SDF4: variants seen among roughly 807,000 people sequenced by gnomAD.
The protein encoded by SDF4 is 45 kDa calcium-binding protein.
A neutral mutation model predicts 34.2 loss-of-function variants in SDF4; 22 were observed. That is an observed-to-expected ratio of 0.64 (90% confidence interval 0.46 to 0.92). SDF4 has a LOEUF of 0.92. Ranked by LOEUF, SDF4 falls within the 40% of genes least tolerant of loss-of-function variation. SDF4 has a pLI of 0.00. For missense variants in SDF4, 447 were observed against 499.9 expected (o/e 0.89, Z 1.01); for synonymous variants, 236 against 203.1 (o/e 1.16, Z -1.38).
At chr1:1,227,610 C>T (rs1413069021) in intron 2 of SDF4, among the ~76,000 whole-genome samples, 5 of 152,192 alleles carry the variant, frequency 3.3e-5, no homozygotes, top group East Asian at 1.9e-4. Context: ...GGGGGACTCA[C>T]GGGCACGCCC....
rs962641102 is a variant in SDF4, at chr1:1,218,796, T to C, written c.688A>G (p.Met230Val). 1.9e-6 allele frequency: 3 copies of C among 1,611,108 alleles called. No individual in the cohort carries two copies. The highest frequency in any genetic ancestry group is 1.3e-5 in the African/African-American group (1 of 74,882). The change falls in exon 5 of 7, where the codon ATG (methionine) becomes GTG (valine). Residue 230 changes from methionine (M) to valine (V), a missense_variant. Coordinates refer to ENST00000360001, the MANE Select transcript of SDF4 (RefSeq NM_016176.6). The surrounding 1 kb of genome is among the most constrained non-coding windows in gnomAD (Gnocchi z 7.9). ...PEHSRGMLRF[M>V]VKEIVRDLDQ... is the part of the protein sequence containing the mutation. Reference sequence around the variant, plus strand: ...AGGTCCCGGACGATCTCCTTCACCATGAACCTGAGCATTCCCCGGCTGTGC... The same window carrying C: ...AGGTCCCGGACGATCTCCTTCACCACGAACCTGAGCATTCCCCGGCTGTGC...
At chr1:1,219,593 C>T in intron 4 of SDF4, 8 of 986,856 alleles carry the variant, frequency 8.1e-6, no homozygotes, top group Non-Finnish European at 9.6e-6. Flanking sequence ...CCCAGGAACC[C>T]TCCCAGCCGG....
At chr1:1,222,335 G>T (rs1650014086) in intron 4 of SDF4, among the ~76,000 whole-genome samples, 1 of 152,344 alleles carries the variant, frequency 6.6e-6, no homozygotes, top group South Asian at 2.1e-4. Flanking sequence ...CGTGCAGGGT[G>T]GCCCGGCTCT....
At chr1:1,224,212 C>A (rs1363184171) in intron 2 of SDF4, among the ~76,000 whole-genome samples, 1 of 152,184 alleles carries the variant, frequency 6.6e-6, no homozygotes, top group Non-Finnish European at 1.5e-5. Flanking sequence ...GGACCCTCCC[C>A]CTCTGTCACA....
chr1:1,225,819 G>A (rs1397740546), intron 2 of SDF4, among the ~76,000 whole-genome samples: 1 of 152,138 alleles, frequency 6.6e-6, no homozygotes, highest in Admixed American at 6.5e-5. Context: ...ACGAGGCAGA[G>A]CAAAAAGCAA....
Position 1,218,364 on chromosome 1 carries a change from G to C in SDF4, c.891+94C>G. The C allele has an allele frequency of 7.2e-7, 1 of 1,380,700 alleles. No individual in the cohort carries two copies. Among genetic ancestry groups the C allele is most frequent in the South Asian group, 1.3e-5 (1 of 74,872 alleles). The allele number at this position is 1,380,700 out of a possible 1,614,324, so 85.5% of individuals were successfully genotyped here. A position where few individuals can be genotyped will look rare whatever the true frequency, so the allele number is the denominator to read the frequency against. The stretch of plus-strand genomic sequence containing the variant: ...AGATGGAGTCTCAGGCCAGACACCA[G>C]CACAGCTTCCTGCCTCAGGCCCAGA... On this transcript the variant is annotated intron_variant, in intron 6 of 6. Coordinates refer to ENST00000360001, the MANE Select transcript of SDF4 (RefSeq NM_016176.6). The surrounding 1 kb of genome is among the most constrained non-coding windows in gnomAD (Gnocchi z 7.9).
Position 1,227,567 on chromosome 1 carries a change from C to T in SDF4, c.305+901G>A, listed in dbSNP as rs1011179556. On this transcript the variant is annotated intron_variant, in intron 2 of 6. Coordinates refer to ENST00000360001, the MANE Select transcript of SDF4 (RefSeq NM_016176.6). ...GGCCCAGGGTGTTCTCTCACCTGCA[C>T]CTCGGCTCCCTGCCCGGCACCCTGG... 5.3e-5 allele frequency among the ~76,000 whole-genome samples: 8 copies of T among 152,348 alleles called. No homozygotes were observed. The East Asian group carries it at 1.2e-3, about 22-fold the overall frequency.
At chr1:1,231,022 G>C (rs771382842) in intron 1 of SDF4, among the ~76,000 whole-genome samples, 1 of 152,216 alleles carries the variant, frequency 6.6e-6, no homozygotes, top group Non-Finnish European at 1.5e-5. Context: ...AGGATCGTGA[G>C]ACCAGCCTGG....
intron 2 of SDF4, among the ~76,000 whole-genome samples, chr1:1,227,882 T>C (rs1638363301): frequency 6.6e-6 from 1 of 152,036 alleles, no homozygotes; most frequent in Admixed American, 6.5e-5. Flanking sequence ...GTGGGGGCAG[T>C]GACGGCCAAG....
At chr1:1,224,225 G>C (rs1032356436) in intron 2 of SDF4, among the ~76,000 whole-genome samples, 2 of 152,148 alleles carry the variant, frequency 1.3e-5, no homozygotes, top group African/African-American at 4.8e-5. Context: ...CTGTCACACA[G>C]AATCACCACC....
intron 2 of SDF4, among the ~76,000 whole-genome samples, chr1:1,224,281 G>A (rs568966936): frequency 2.6e-5 from 4 of 152,124 alleles, no homozygotes; most frequent in South Asian, 2.1e-4. Context: ...CACTCTTCAC[G>A]TTTTATTTTA....
chr1:1,223,380 T>C (rs749309873), intron 3 of SDF4, 23 bp from the exon 4 acceptor site: 1 of 1,507,086 alleles, frequency 6.6e-7, no homozygotes, highest in Admixed American at 1.7e-5. Flanking sequence ...ATCACACCTG[T>C]CAGGGCCTCT....
chr1:1,227,005 C>T (rs754335311), intron 2 of SDF4, among the ~76,000 whole-genome samples: 1 of 152,174 alleles, frequency 6.6e-6, no homozygotes, highest in Non-Finnish European at 1.5e-5. Flanking sequence ...CAAGGACCCC[C>T]GAACCGTACC....
chr1:1,221,124 G>A, intron 4 of SDF4: 1 of 276,596 alleles, frequency 3.6e-6, no homozygotes, highest in African/African-American at 2.2e-5. Context: ...GCAGGATTTA[G>A]AACGGACAGG....
At chr1:1,230,825 C>T (rs56316126) in intron 1 of SDF4, among the ~76,000 whole-genome samples, 17,437 of 152,230 alleles carry the variant, frequency 0.11, 1,142 homozygotes, top group East Asian at 0.17. Context: ...TCCTGTCGTC[C>T]CAGATCGCCT....
intron 4 of SDF4, chr1:1,220,671 A>G: frequency 7.8e-7 from 1 of 1,289,240 alleles, no homozygotes; most frequent in Non-Finnish European, 1.0e-6. Context: ...GCTGAGTCCC[A>G]AAGGTAGACG....
At chr1:1,223,104 A>G in intron 4 of SDF4, 140 bp downstream of exon 4, 1 of 660,904 alleles carries the variant, frequency 1.5e-6, no homozygotes, top group East Asian at 2.7e-5. Flanking sequence ...ACTCGTACAC[A>G]CGGCACGCAC....
intron 4 of SDF4, chr1:1,220,075 G>A (rs760478234): frequency 1.5e-4 from 152 of 986,378 alleles, no homozygotes; most frequent in Admixed American, 1.8e-4. Context: ...AGGCACAGAC[G>A]CCCCAGACAG....
chr1:1,222,622 A>C (rs972628108), intron 4 of SDF4, among the ~76,000 whole-genome samples: 2 of 152,268 alleles, frequency 1.3e-5, no homozygotes, highest in African/African-American at 4.8e-5. Flanking sequence ...TGGCCTTCAG[A>C]GTACGGGGCA....
Sources: allele counts gnomAD v4.1 joint callset (sites outside exome capture counted in the v4.1 genomes callset), GRCh38; gene constraint gnomAD v4.1.1; non-coding constraint Gnocchi (gnomAD v3.1); transcripts MANE v1.5; gene names NCBI Gene and HGNC (gene_info 2026-07-23, HGNC 2026-07-21).